The following TMEM178B variants were observed in gnomAD, a reference collection of about 807,000 sequenced individuals.
The protein encoded by TMEM178B is transmembrane protein 178B.
In TMEM178B, 5 loss-of-function variants were observed where a neutral mutation model predicts 31.0. The ratio of observed to expected loss-of-function variants is 0.16; its 90% CI spans 0.08 to 0.34. The LOEUF (loss-of-function observed/expected upper bound fraction) is 0.34, where lower values mean the gene tolerates loss of function less well. TMEM178B is among the 10% of genes least tolerant of loss of function. The probability of loss-of-function intolerance (pLI) is 1.00; values close to 1 mark genes in which losing one functional copy is unlikely to be tolerated. For synonymous variants in TMEM178B, 164 were observed against 164.0 expected (o/e 1.00, Z 0.00); for missense variants, 275 against 400.3 (o/e 0.69, Z 2.67).
intron 2 of TMEM178B, among the ~76,000 whole-genome samples, chr7:141,238,678 G>A (rs1382595802): frequency 2.0e-5 from 3 of 152,192 alleles, no homozygotes; most frequent in Non-Finnish European, 4.4e-5. Flanking sequence ...CAGCAGTAAC[G>A]CGGCTGGGGG....
chr7:141,234,094 C>A (rs1221128756), intron 2 of TMEM178B, among the ~76,000 whole-genome samples: 1 of 152,190 alleles, frequency 6.6e-6, no homozygotes, highest in Non-Finnish European at 1.5e-5. Context: ...TGACTACTCT[C>A]TTTTGCCTGC....
chr7:141,330,129 T>A (rs1008588452), intron 2 of TMEM178B, among the ~76,000 whole-genome samples: 1 of 152,170 alleles, frequency 6.6e-6, no homozygotes, highest in Admixed American at 6.5e-5. Context: ...TAATTTGATA[T>A]AAACTTCTGG....
At chr7:141,412,477 T>C (rs1477266153) in intron 2 of TMEM178B, among the ~76,000 whole-genome samples, 1 of 152,208 alleles carries the variant, frequency 6.6e-6, no homozygotes, top group Non-Finnish European at 1.5e-5. Flanking sequence ...GTTTCTGCCT[T>C]GGGATCATGG....
At chr7:141,135,113 C>A (rs1795655321) in intron 1 of TMEM178B, among the ~76,000 whole-genome samples, 1 of 152,092 alleles carries the variant, frequency 6.6e-6, no homozygotes, top group East Asian at 1.9e-4. Flanking sequence ...CCTCCCCAGC[C>A]ATGTGAAAAA....
intron 1 of TMEM178B, among the ~76,000 whole-genome samples, chr7:141,119,347 G>A (rs1795372528): frequency 6.6e-6 from 1 of 152,184 alleles, no homozygotes; most frequent in South Asian, 2.1e-4. Context: ...AGTGGCTAGA[G>A]GGAGCTGTCA....
At chr7:141,327,996 A>C (rs1799224151) in intron 2 of TMEM178B, among the ~76,000 whole-genome samples, 1 of 152,172 alleles carries the variant, frequency 6.6e-6, no homozygotes, top group Non-Finnish European at 1.5e-5. Flanking sequence ...ACTGGCTAGC[A>C]CTGGGAGTAT....
the TMEM178B span, among the ~76,000 whole-genome samples, chr7:141,499,583 G>A: frequency 2.6e-5 from 4 of 151,794 alleles, no homozygotes; most frequent in African/African-American, 4.8e-5. Context: ...AGGCTTCAGT[G>A]AGCCATTTTC....
At chr7:141,151,944 T>C (rs1795981566) in intron 1 of TMEM178B, among the ~76,000 whole-genome samples, 1 of 152,112 alleles carries the variant, frequency 6.6e-6, no homozygotes. Flanking sequence ...GCCTGACACG[T>C]GACGTCACAG....
chr7:141,481,135 C>A (rs886299602), downstream of TMEM178B, among the ~76,000 whole-genome samples: 1 of 152,226 alleles, frequency 6.6e-6, no homozygotes, highest in Non-Finnish European at 1.5e-5. Flanking sequence ...GCTGCTACTG[C>A]CCTGAGGCCG....
At chr7:141,163,155 A>G (rs996304967) in intron 1 of TMEM178B, among the ~76,000 whole-genome samples, 3 of 152,266 alleles carry the variant, frequency 2.0e-5, no homozygotes, top group South Asian at 4.1e-4. Flanking sequence ...CTCTAGGTTG[A>G]TGAGAGCCTG....
At chr7:141,451,980 C>G (rs1184681935) in intron 3 of TMEM178B, among the ~76,000 whole-genome samples, 1 of 152,204 alleles carries the variant, frequency 6.6e-6, no homozygotes, top group Non-Finnish European at 1.5e-5. Context: ...CTAGCTCCAT[C>G]TTTCGTGAAA....
At chr7:141,496,853 A>G in the TMEM178B span, among the ~76,000 whole-genome samples, 1 of 152,100 alleles carries the variant, frequency 6.6e-6, no homozygotes, top group Non-Finnish European at 1.5e-5. Context: ...TTTGACCTAT[A>G]TATTTCCCCA....
intron 2 of TMEM178B, among the ~76,000 whole-genome samples, chr7:141,241,811 T>TTACTTAATTTTAA (rs1255295916): frequency 6.6e-6 from 1 of 152,146 alleles, no homozygotes; most frequent in Non-Finnish European, 1.5e-5. Flanking sequence ...AAGGAATGGG[T>TTACTTAATTTTAA]TGACTTAAAT....
rs1796339991 is a variant in TMEM178B at position 141,171,015 on chromosome 7, C to T, written c.383-41576C>T. 1.2e-5 allele frequency among the ~76,000 whole-genome samples: 1 copy of T among 85,338 alleles called. No homozygotes were observed. The highest frequency in any genetic ancestry group is 5.5e-4 in the South Asian group (1 of 1,834). 56.0% of individuals were successfully genotyped at this position (85,338 alleles called of 152,430 possible). A position where few individuals can be genotyped will look rare whatever the true frequency, so the allele number is the denominator to read the frequency against. The stretch of plus-strand genomic sequence containing the variant: ...AGGTTCAGACTACACATCACACACA[C>T]ATACACACACACACACACACACACA... On this transcript the variant is annotated intron_variant, in intron 1 of 3. Transcript: ENST00000565468. The surrounding 1 kb of genome is among the most constrained non-coding windows in gnomAD (Gnocchi z 4.3).
chr7:141,460,281 C>T (rs1802038247), intron 3 of TMEM178B, among the ~76,000 whole-genome samples: 2 of 152,208 alleles, frequency 1.3e-5, no homozygotes, highest in African/African-American at 4.8e-5. Context: ...AGATGGCCTC[C>T]CTCTTCGGCC....
intron 2 of TMEM178B, among the ~76,000 whole-genome samples, chr7:141,295,222 G>A (rs985135791): frequency 6.6e-6 from 1 of 152,210 alleles, no homozygotes; most frequent in Non-Finnish European, 1.5e-5. Context: ...CCAGAAACCT[G>A]AACACTGGCT....
intron 2 of TMEM178B, among the ~76,000 whole-genome samples, chr7:141,329,739 A>C (rs1799263054): frequency 6.6e-6 from 1 of 152,214 alleles, no homozygotes; most frequent in South Asian, 2.1e-4. Flanking sequence ...CAAGTTACAC[A>C]GTCTGTTCTG....
intron 2 of TMEM178B, among the ~76,000 whole-genome samples, chr7:141,374,324 G>A (rs993927634): frequency 2.6e-5 from 4 of 152,134 alleles, no homozygotes; most frequent in Non-Finnish European, 5.9e-5. Flanking sequence ...AGTGCCAGAT[G>A]CCCTATTTGG....
intron 1 of TMEM178B, among the ~76,000 whole-genome samples, chr7:141,159,530 C>G (rs1484073311): frequency 2.6e-5 from 4 of 152,130 alleles, no homozygotes; most frequent in Non-Finnish European, 4.4e-5. Context: ...TCACAGTAGC[C>G]AAAAGGCGGA....
Sources: allele counts gnomAD v4.1 joint callset (sites outside exome capture counted in the v4.1 genomes callset), GRCh38; gene constraint gnomAD v4.1.1; non-coding constraint Gnocchi (gnomAD v3.1); transcripts MANE v1.5; gene names NCBI Gene and HGNC (gene_info 2026-07-23, HGNC 2026-07-21).